The following PCSK5 variants were observed in gnomAD, a reference collection of about 807,000 sequenced individuals.
PCSK5 encodes prohormone convertase 5.
A neutral mutation model predicts 233.2 loss-of-function variants in PCSK5; 129 were observed. The observed-to-expected ratio is 0.55, with a 90% CI of 0.48 to 0.64. PCSK5 has a LOEUF of 0.64. PCSK5 is among the 30% of genes least tolerant of loss of function. The pLI is 0.00. For synonymous variants in PCSK5, 825 were observed against 879.2 expected, an observed-to-expected ratio of 0.94 and a Z score of 1.09; for missense variants, 2,076 against 2,430.1, an observed-to-expected ratio of 0.85 and a Z score of 3.06.
intron 24 of PCSK5, among the ~76,000 whole-genome samples, chr9:76,279,359 G>A (rs1389550195): frequency 1.3e-5 from 2 of 149,158 alleles, no homozygotes; most frequent in East Asian, 3.9e-4. Context: ...TGTGAATAAT[G>A]CCGCAATAAA....
intron 3 of PCSK5, among the ~76,000 whole-genome samples, chr9:75,999,516 G>A (rs544522650): frequency 2.0e-5 from 3 of 152,364 alleles, no homozygotes; most frequent in Admixed American, 6.5e-5. Context: ...GGGATGGGCC[G>A]AATTAGAGGA....
At chr9:76,164,421 G>A (rs180932738) in intron 12 of PCSK5, among the ~76,000 whole-genome samples, 5 of 152,298 alleles carry the variant, frequency 3.3e-5, no homozygotes, top group African/African-American at 1.2e-4. Context: ...GTTGGTACAC[G>A]TATTAAGATC....
intron 10 of PCSK5, among the ~76,000 whole-genome samples, chr9:76,148,205 A>G (rs73458315): frequency 0.014 from 2,160 of 150,658 alleles, 40 homozygotes; most frequent in African/African-American, 0.05. Flanking sequence ...AACCCGGTCT[A>G]GATCTCTCTT....
At chr9:76,259,963 C>T (rs1178881657) in intron 24 of PCSK5, among the ~76,000 whole-genome samples, 1 of 152,180 alleles carries the variant, frequency 6.6e-6, no homozygotes, top group Non-Finnish European at 1.5e-5. Flanking sequence ...TCTTCCTCAC[C>T]ATCCACTTCT....
At chr9:76,025,136 C>T (rs561636516) in intron 4 of PCSK5, among the ~76,000 whole-genome samples, 1 of 152,242 alleles carries the variant, frequency 6.6e-6, no homozygotes, top group African/African-American at 2.4e-5. Flanking sequence ...TTTCCCGAAA[C>T]ATTTCAGGCT....
intron 24 of PCSK5, among the ~76,000 whole-genome samples, chr9:76,278,761 A>G (rs1041851605): frequency 1.3e-5 from 2 of 152,124 alleles, no homozygotes; most frequent in African/African-American, 4.8e-5. Flanking sequence ...GAGATGGATT[A>G]TCATCATTTT....
chr9:76,276,226 TAAATAAAA>T, intron 24 of PCSK5, among the ~76,000 whole-genome samples: 1 of 152,006 alleles, frequency 6.6e-6, no homozygotes, highest in East Asian at 1.9e-4. Flanking sequence ...AATATATAAA[TAAATAAAA>T]AAATAAAATA....
intron 9 of PCSK5, among the ~76,000 whole-genome samples, chr9:76,117,788 G>A (rs552003179): frequency 3.3e-5 from 5 of 152,144 alleles, no homozygotes; most frequent in Non-Finnish European, 4.4e-5. Context: ...GTGAGCACTC[G>A]AATTTATTTG....
In PCSK5 at chr9:76,040,365, CTCTCTCTCTCTCTCTCTCTG is replaced by C. The variant is rs1563988554; in HGVS notation, c.632+13348_632+13367del. ...TCTCTCTCTCTCTCTCTCTCTCTCT[CTCTCTCTCTCTCTCTCTCTG>C]TCTCTCTCTCTCTCTCTCTCTCTCT... On this transcript the variant is annotated intron_variant, in intron 5 of 37. Coordinates refer to ENST00000674117, the MANE Select transcript of PCSK5 (RefSeq NM_001372043.1). Among the ~76,000 whole-genome samples the C allele has an allele frequency of 3.1e-3, 203 of 64,994 alleles. 10 individuals carry two copies. The highest frequency in any genetic ancestry group is 0.013 in the South Asian group (16 of 1,242). 42.6% of individuals were successfully genotyped at this position (64,994 alleles called of 152,430 possible).
At chr9:76,185,528 T>C (rs1298864681) in intron 17 of PCSK5, among the ~76,000 whole-genome samples, 1 of 152,208 alleles carries the variant, frequency 6.6e-6, no homozygotes, top group Non-Finnish European at 1.5e-5. Context: ...GGCAGGTACA[T>C]TCTTCACCAT....
At chr9:76,223,222 T>G (rs1825786406) in intron 20 of PCSK5, among the ~76,000 whole-genome samples, 1 of 152,248 alleles carries the variant, frequency 6.6e-6, no homozygotes. Flanking sequence ...AGTGTACATA[T>G]TTATTTGCTA....
chr9:76,147,066 G>A (rs928467848), intron 10 of PCSK5, among the ~76,000 whole-genome samples: 1 of 152,094 alleles, frequency 6.6e-6, no homozygotes, highest in African/African-American at 2.4e-5. Context: ...ACAAGTCAGT[G>A]CATTTTCTGT....
At chr9:76,001,012 A>G (rs1827237580) in intron 3 of PCSK5, among the ~76,000 whole-genome samples, 1 of 152,008 alleles carries the variant, frequency 6.6e-6, no homozygotes. Context: ...CAGTGAGCAG[A>G]GTTGAGCAAT....
At chr9:76,147,285 G>A (rs1823478465) in intron 10 of PCSK5, among the ~76,000 whole-genome samples, 1 of 152,214 alleles carries the variant, frequency 6.6e-6, no homozygotes, top group Non-Finnish European at 1.5e-5. Flanking sequence ...TTCTGTAAGA[G>A]AAGCAGAAAT....
chr9:76,071,556 G>T (rs1387411933), intron 6 of PCSK5, among the ~76,000 whole-genome samples, 170 bp from the exon 7 acceptor site: 1 of 152,112 alleles, frequency 6.6e-6, no homozygotes, highest in Non-Finnish European at 1.5e-5. Flanking sequence ...CATCCTTTCT[G>T]CCCAAGATAC....
At chr9:76,114,822 C>T (rs1043610946) in intron 9 of PCSK5, among the ~76,000 whole-genome samples, 3 of 152,054 alleles carry the variant, frequency 2.0e-5, no homozygotes, top group African/African-American at 4.8e-5. Context: ...TATAGCTGAT[C>T]AAGTATCATT....
intron 36 of PCSK5, among the ~76,000 whole-genome samples, chr9:76,352,723 C>A (rs544508913): frequency 1.3e-5 from 2 of 152,230 alleles, no homozygotes; most frequent in East Asian, 3.9e-4. Context: ...TAAATCTCCC[C>A]ATGATGAAAT....
intron 5 of PCSK5, among the ~76,000 whole-genome samples, chr9:76,042,372 G>A (rs2789606): frequency 0.21 from 32,392 of 152,210 alleles, 4,058 homozygotes; most frequent in East Asian, 0.35. Flanking sequence ...TTCAGGCCAG[G>A]CACCATGGTG....
chr9:76,134,836 C>T (rs1312909491), intron 10 of PCSK5, among the ~76,000 whole-genome samples: 2 of 151,834 alleles, frequency 1.3e-5, no homozygotes, highest in Admixed American at 1.3e-4. Context: ...CCCAAAATAG[C>T]TATTCTATTT....
Sources: allele counts gnomAD v4.1 joint callset (sites outside exome capture counted in the v4.1 genomes callset), GRCh38; gene constraint gnomAD v4.1.1; transcripts MANE v1.5; gene names NCBI Gene and HGNC (gene_info 2026-07-23, HGNC 2026-07-21).